TNFRSF9: variants seen among roughly 807,000 people sequenced by gnomAD.
TNFRSF9 encodes TNF receptor superfamily member 9.
TNFRSF9 carries 16 observed loss-of-function variants against 28.8 expected under a neutral mutation model. That is an observed-to-expected ratio of 0.55 (90% CI 0.38 to 0.84). The LOEUF (loss-of-function observed/expected upper bound fraction) is 0.84, where lower values mean the gene tolerates loss of function less well. Among genes scored for constraint, TNFRSF9 ranks in the 40% least tolerant of loss-of-function variants. TNFRSF9 has a pLI of 0.00. For missense variants in TNFRSF9, 303 were observed against 315.0 expected (o/e 0.96, Z 0.29); for synonymous variants, 131 against 117.0 (o/e 1.12, Z -0.77).
At chr1:7,933,372 G>A (rs926287584) in intron 6 of TNFRSF9, 76 bp from the exon 7 acceptor site, 9 of 1,476,966 alleles carry the variant, frequency 6.1e-6, no homozygotes, top group Non-Finnish European at 8.2e-6. Flanking sequence ...TATTTACATT[G>A]GTAAATTTCT....
rs1203684286 is a variant in TNFRSF9, at chr1:7,917,664, C to A, written c.*3171G>T. On this transcript the variant is annotated 3_prime_UTR_variant, in exon 8 of 8. Coordinates refer to ENST00000377507, the MANE Select transcript of TNFRSF9 (RefSeq NM_001561.6). ...TTAGCCAGGCAAGAAAAAATGTTAACCATATGAGAAAACAGTTATAAATTT... is the reference window on the plus strand; with the variant it reads ...TTAGCCAGGCAAGAAAAAATGTTAAACATATGAGAAAACAGTTATAAATTT... The A allele has an allele frequency of 6.6e-6, 1 of 152,044 alleles. No individual in the cohort carries two copies. Among genetic ancestry groups the A allele is most frequent in the Non-Finnish European group, 1.5e-5 (1 of 68,014 alleles). The allele number at this position is 152,044 out of a possible 1,614,324, so 9.4% of individuals were successfully genotyped here.
At chr1:7,937,465 C>G (rs964408557) in intron 5 of TNFRSF9, among the ~76,000 whole-genome samples, 14 of 152,172 alleles carry the variant, frequency 9.2e-5, no homozygotes, top group Non-Finnish European at 1.5e-4. Flanking sequence ...GCCCAGCCTC[C>G]ACTGGCAATT....
intron 7 of TNFRSF9, among the ~76,000 whole-genome samples, chr1:7,922,323 T>C (rs1387602980): frequency 6.6e-6 from 1 of 152,220 alleles, no homozygotes; most frequent in Non-Finnish European, 1.5e-5. Context: ...TGAGATGTCA[T>C]GTTTTCCGTA....
intron 6 of TNFRSF9, among the ~76,000 whole-genome samples, chr1:7,934,372 C>T (rs1340868500): frequency 1.4e-5 from 2 of 143,408 alleles, no homozygotes; most frequent in African/African-American, 5.2e-5. Flanking sequence ...AAGGCACTCT[C>T]GGGGGAAAAA....
At chr1:7,929,843 C>T (rs896299591) in intron 7 of TNFRSF9, among the ~76,000 whole-genome samples, 4 of 152,124 alleles carry the variant, frequency 2.6e-5, no homozygotes, top group Admixed American at 6.5e-5. Flanking sequence ...ATGTCAATTT[C>T]CTGCTTTGCC....
At chr1:7,939,332 A>C (rs1388288401) in intron 2 of TNFRSF9, among the ~76,000 whole-genome samples, 2 of 152,026 alleles carry the variant, frequency 1.3e-5, no homozygotes, top group East Asian at 1.9e-4. Flanking sequence ...AAAAAAAAAA[A>C]AAAACATACA....
At chr1:7,928,314 A>C (rs932801573) in intron 7 of TNFRSF9, among the ~76,000 whole-genome samples, 2 of 152,268 alleles carry the variant, frequency 1.3e-5, no homozygotes, top group African/African-American at 4.8e-5. Flanking sequence ...ATACAAAAAT[A>C]CATGTCCACA....
rs536448924 is a variant in TNFRSF9 at position 7,922,492 on chromosome 1, C to T, written c.680-1569G>A. Among the ~76,000 whole-genome samples, 7 of 152,182 alleles carry T rather than the reference C, an allele frequency of 4.6e-5. No homozygotes were observed. In the South Asian group the frequency reaches 1.5e-3, roughly 32 times the overall value. Reference sequence around the variant, plus strand: ...CTAGAGAAGCAGCACTCTAAAAATGCCAATAGCGTGGACAAAACAAAGCAA... The same window carrying T: ...CTAGAGAAGCAGCACTCTAAAAATGTCAATAGCGTGGACAAAACAAAGCAA... On this transcript the variant is annotated intron_variant, in intron 7 of 7. Transcript: ENST00000377507.
intron 7 of TNFRSF9, among the ~76,000 whole-genome samples, chr1:7,924,599 C>G (rs1345804665): frequency 6.6e-6 from 1 of 152,050 alleles, no homozygotes; most frequent in Non-Finnish European, 1.5e-5. Flanking sequence ...TGCACTCCAG[C>G]CTGGGCAACA....
At chr1:7,927,731 A>G (rs970567550) in intron 7 of TNFRSF9, among the ~76,000 whole-genome samples, 9 of 112,502 alleles carry the variant, frequency 8.0e-5, no homozygotes, top group East Asian at 4.9e-4. Flanking sequence ...GAGATAGAGG[A>G]AAAAAAAAAA....
rs1293678129 is a variant in TNFRSF9 at position 7,919,716 on chromosome 1, G to A, written c.*1119C>T. On this transcript the variant is annotated 3_prime_UTR_variant, in exon 8 of 8. Transcript: ENST00000377507. ...GGGCAACAGAGCAAGACTGTCTCAAGCAAACCAACAGACAAACAAAGGCAA... is the reference window on the plus strand; with the variant it reads ...GGGCAACAGAGCAAGACTGTCTCAAACAAACCAACAGACAAACAAAGGCAA... The A allele has an allele frequency of 1.3e-5, 2 of 152,264 alleles. No individual in the cohort carries two copies. The highest frequency in any genetic ancestry group is 4.8e-5 in the African/African-American group (2 of 41,424). The allele number at this position is 152,264 out of a possible 1,614,324, so 9.4% of individuals were successfully genotyped here.
Position 7,920,282 on chromosome 1 carries a change from G to A in TNFRSF9, c.*553C>T, listed in dbSNP as rs1639537885. On this transcript the variant is annotated 3_prime_UTR_variant, in exon 8 of 8. Coordinates refer to ENST00000377507, the MANE Select transcript of TNFRSF9 (RefSeq NM_001561.6). ...ATTTCAAAAAAACTAGCTCAAACCT[G>A]TTAAGTGGTATCTAGAAAATGCTTT... is the stretch of plus-strand genomic sequence containing the variant. The A allele has an allele frequency of 7.0e-6, 1 of 142,990 alleles. No homozygotes were observed. Among genetic ancestry groups the A allele is most frequent in the South Asian group, 2.2e-4 (1 of 4,470 alleles). The allele number at this position is 142,990 out of a possible 1,614,324, so 8.9% of individuals were successfully genotyped here.
intron 4 of TNFRSF9, among the ~76,000 whole-genome samples, chr1:7,937,967 C>G (rs983396960): frequency 1.3e-5 from 2 of 152,102 alleles, no homozygotes; most frequent in Non-Finnish European, 2.9e-5. Flanking sequence ...ATTAATGGTT[C>G]TGGCAATTAA....
At chr1:7,932,404 G>C (rs1639744498) in intron 7 of TNFRSF9, among the ~76,000 whole-genome samples, 1 of 152,178 alleles carries the variant, frequency 6.6e-6, no homozygotes, top group African/African-American at 2.4e-5. Context: ...TGCTGACTCA[G>C]TGCCAGGCAC....
At chr1:7,923,431 G>A (rs961962812) in intron 7 of TNFRSF9, among the ~76,000 whole-genome samples, 4 of 152,136 alleles carry the variant, frequency 2.6e-5, no homozygotes, top group African/African-American at 4.8e-5. Context: ...CCCTCCAGGA[G>A]GTATAGCATA....
chr1:7,935,865 A>T (rs1417416398), intron 5 of TNFRSF9, among the ~76,000 whole-genome samples: 1 of 152,158 alleles, frequency 6.6e-6, no homozygotes, highest in Non-Finnish European at 1.5e-5. Flanking sequence ...TTAGGATTGT[A>T]TGTGCTGCCA....
At chr1:7,924,551 C>T (rs556041902) in intron 7 of TNFRSF9, among the ~76,000 whole-genome samples, 9 of 151,984 alleles carry the variant, frequency 5.9e-5, no homozygotes, top group East Asian at 1.9e-4. Context: ...CCCTTGAACC[C>T]GGGAGGCAGA....
chr1:7,928,146 T>C (rs1422356839), intron 7 of TNFRSF9, among the ~76,000 whole-genome samples: 4 of 152,220 alleles, frequency 2.6e-5, no homozygotes, highest in Non-Finnish European at 5.9e-5. Flanking sequence ...GAAATAAAAA[T>C]TGTGGCAATG....
At chr1:7,928,793 C>T (rs1028271639) in intron 7 of TNFRSF9, among the ~76,000 whole-genome samples, 2 of 152,152 alleles carry the variant, frequency 1.3e-5, no homozygotes, top group African/African-American at 4.8e-5. Context: ...GCACGAAAAT[C>T]GCTGGAACCC....
Sources: allele counts gnomAD v4.1 joint callset (sites outside exome capture counted in the v4.1 genomes callset), GRCh38; gene constraint gnomAD v4.1.1; transcripts MANE v1.5; gene names NCBI Gene and HGNC (gene_info 2026-07-23, HGNC 2026-07-21).